GOLIM4: variants seen among roughly 807,000 people sequenced by gnomAD.
GOLIM4 encodes 130 kDa golgi-localized phosphoprotein.
A neutral mutation model predicts 107.4 loss-of-function variants in GOLIM4; 71 were observed. The observed-to-expected ratio is 0.66, with a 90% confidence interval of 0.55 to 0.81. GOLIM4 has a LOEUF of 0.81. GOLIM4 is among the 30% of genes least tolerant of loss of function. GOLIM4 has a pLI of 0.00. For missense variants in GOLIM4, 830 were observed against 826.1 expected (o/e 1.00, Z -0.06); for synonymous variants, 327 against 294.8 (o/e 1.11, Z -1.12).
intron 1 of GOLIM4, among the ~76,000 whole-genome samples, chr3:168,074,007 C>G (rs1720954341): frequency 6.6e-6 from 1 of 152,206 alleles, no homozygotes; most frequent in Non-Finnish European, 1.5e-5. Flanking sequence ...ATAAAAAAGT[C>G]TGTGGCTTCC....
chr3:168,034,852 G>A (rs1718551696), intron 8 of GOLIM4, among the ~76,000 whole-genome samples: 1 of 152,206 alleles, frequency 6.6e-6, no homozygotes, highest in South Asian at 2.1e-4. Context: ...TCTGCCTGCT[G>A]CCATCCATGG....
intron 1 of GOLIM4, among the ~76,000 whole-genome samples, chr3:168,050,408 T>C (rs1405317574): frequency 2.0e-5 from 3 of 152,152 alleles, no homozygotes; most frequent in Non-Finnish European, 2.9e-5. Context: ...AAGGAAAGTG[T>C]AAGATTAGCC....
chr3:168,064,856 T>C (rs1436257200), intron 1 of GOLIM4, among the ~76,000 whole-genome samples: 1 of 152,072 alleles, frequency 6.6e-6, no homozygotes, highest in Non-Finnish European at 1.5e-5. Context: ...ATATAAGTAT[T>C]CTAATTAGAC....
intron 3 of GOLIM4, 124 bp from the exon 4 acceptor site, chr3:168,045,005 A>C: frequency 3.6e-6 from 2 of 558,636 alleles, no homozygotes; most frequent in Non-Finnish European, 3.1e-6. Flanking sequence ...TGAATTCTAC[A>C]TTTGAACCAA....
intron 1 of GOLIM4, among the ~76,000 whole-genome samples, chr3:168,083,665 T>C (rs1721480671): frequency 6.6e-6 from 1 of 152,200 alleles, no homozygotes; most frequent in Non-Finnish European, 1.5e-5. Context: ...AAAAATGATT[T>C]AGCACAGTGG....
At chr3:168,069,077 C>T (rs970374042) in intron 1 of GOLIM4, among the ~76,000 whole-genome samples, 1 of 152,072 alleles carries the variant, frequency 6.6e-6, no homozygotes. Flanking sequence ...TGGTGATCTG[C>T]TCACCTCGGC....
intron 1 of GOLIM4, among the ~76,000 whole-genome samples, chr3:168,069,907 C>G (rs1236964800): frequency 6.6e-6 from 1 of 151,948 alleles, no homozygotes; most frequent in Non-Finnish European, 1.5e-5. Flanking sequence ...AGTTAATTTT[C>G]AACTATGAAG....
At chr3:168,017,830 C>G (rs1208294671) in intron 14 of GOLIM4, among the ~76,000 whole-genome samples, 1 of 152,180 alleles carries the variant, frequency 6.6e-6, no homozygotes, top group Non-Finnish European at 1.5e-5. Flanking sequence ...AAATTCCTCT[C>G]TCTCTTTAGT....
intron 7 of GOLIM4, among the ~76,000 whole-genome samples, chr3:168,040,164 C>T (rs1038489804): frequency 2.0e-5 from 3 of 152,270 alleles, no homozygotes; most frequent in African/African-American, 2.4e-5. Context: ...AGCATGAAAT[C>T]GCTTTAATAA....
intron 1 of GOLIM4, among the ~76,000 whole-genome samples, chr3:168,063,196 G>A (rs887443489): frequency 1.3e-5 from 2 of 151,940 alleles, no homozygotes; most frequent in Non-Finnish European, 2.9e-5. Flanking sequence ...TTGCCACTGA[G>A]GAAACTTAAA....
rs1219387000 is a variant in GOLIM4 at position 168,009,711 on chromosome 3, T to C, written c.*558A>G. 6.6e-6 allele frequency: 1 copy of C among 152,230 alleles called. No homozygotes were observed. The highest frequency in any genetic ancestry group is 6.5e-5 in the Admixed American group (1 of 15,270). 9.4% of individuals were successfully genotyped at this position (152,230 alleles called of 1,614,324 possible). Reference sequence around the variant, plus strand: ...TCTGAAAAGTCTGAAAAACAATGTCTTTACAACAAAAATGGATTTCCAATT... The same window carrying C: ...TCTGAAAAGTCTGAAAAACAATGTCCTTACAACAAAAATGGATTTCCAATT... On this transcript the variant is annotated 3_prime_UTR_variant, in exon 16 of 16. Transcript: ENST00000470487.
In GOLIM4 at chr3:168,036,967, T is replaced by G; in HGVS notation, c.712A>C (p.Lys238Gln). ...QTQVAEYKQL[K>Q]DTLNRIPSLR... ...CTTGGAATCCTATTCAGAGTATCTT[T>G]CAGTTGTTTATATTCTGCAACTTGA... is the stretch of plus-strand genomic sequence containing the variant. The change falls in exon 8 of 16, where the codon AAA (lysine) becomes CAA (glutamine). Residue 238 changes from lysine (K) to glutamine (Q), a missense_variant. Physicochemically the swap from Lys to Gln is moderately conservative, Grantham distance 53. Coordinates refer to ENST00000470487, the MANE Select transcript of GOLIM4 (RefSeq NM_014498.5). 1 of 1,588,770 alleles carries G rather than the reference T, an allele frequency of 6.3e-7. No individual in the cohort carries two copies. Among genetic ancestry groups the G allele is most frequent in the Non-Finnish European group, 8.6e-7 (1 of 1,166,454 alleles).
chr3:168,060,616 G>A (rs998330081), intron 1 of GOLIM4, among the ~76,000 whole-genome samples: 5 of 152,168 alleles, frequency 3.3e-5, no homozygotes, highest in Admixed American at 2.6e-4. Context: ...TCCAGACAGT[G>A]GATAGGGAAT....
intron 3 of GOLIM4, among the ~76,000 whole-genome samples, chr3:168,046,192 C>G (rs753435889): frequency 1.9e-4 from 29 of 151,934 alleles, no homozygotes; most frequent in Non-Finnish European, 3.4e-4. Context: ...TTTTAATACC[C>G]CAAAATATCA....
chr3:168,017,717 A>G (rs918117487), intron 14 of GOLIM4, among the ~76,000 whole-genome samples: 1 of 152,238 alleles, frequency 6.6e-6, no homozygotes, highest in African/African-American at 2.4e-5. Context: ...AATTTTATGT[A>G]TCTATTCTAT....
chr3:168,069,754 A>T (rs965555234), intron 1 of GOLIM4, among the ~76,000 whole-genome samples: 26 of 135,590 alleles, frequency 1.9e-4, no homozygotes, highest in Non-Finnish European at 4.1e-4. Flanking sequence ...AATATACTGC[A>T]TAAGAGAAAT....
At chr3:168,094,083 A>C (rs1203425924) in intron 1 of GOLIM4, among the ~76,000 whole-genome samples, 1 of 152,240 alleles carries the variant, frequency 6.6e-6, no homozygotes, top group Non-Finnish European at 1.5e-5. Context: ...AGAAAGCTGC[A>C]TAAGTATTGA....
At chr3:168,038,900 G>A (rs776097897) in intron 7 of GOLIM4, among the ~76,000 whole-genome samples, 13 of 152,212 alleles carry the variant, frequency 8.5e-5, no homozygotes, top group Admixed American at 5.9e-4. Context: ...AATGGGATTA[G>A]TGCCCTTGCA....
intron 1 of GOLIM4, 124 bp downstream of exon 1, chr3:168,094,975 T>C (rs1722095702): frequency 5.9e-6 from 4 of 681,100 alleles, no homozygotes; most frequent in East Asian, 2.8e-5. Flanking sequence ...CGCTCACCTC[T>C]GACGTCCCTG....
Sources: allele counts gnomAD v4.1 joint callset (sites outside exome capture counted in the v4.1 genomes callset), GRCh38; gene constraint gnomAD v4.1.1; transcripts MANE v1.5; gene names NCBI Gene and HGNC (gene_info 2026-07-23, HGNC 2026-07-21).